The following RIN3 variants were observed in gnomAD, a reference collection of about 807,000 sequenced individuals.
RIN3 encodes RAB5 interacting protein 3.
In RIN3, 54 loss-of-function variants were observed where a neutral mutation model predicts 76.3. That is an observed-to-expected ratio of 0.71 (90% CI 0.57 to 0.89). The LOEUF (loss-of-function observed/expected upper bound fraction) is 0.89. RIN3 is among the 40% of genes least tolerant of loss of function. The pLI, the probability that RIN3 is intolerant of heterozygous loss-of-function variation, is 0.00. For missense variants in RIN3, 1,256 were observed against 1,322.1 expected, an observed-to-expected ratio of 0.95 and a Z score of 0.78; for synonymous variants, 576 against 564.0, an observed-to-expected ratio of 1.02 and a Z score of -0.30.
chr14:92,533,722 G>C (rs892901933), intron 1 of RIN3, among the ~76,000 whole-genome samples: 1 of 152,136 alleles, frequency 6.6e-6, no homozygotes, highest in South Asian at 2.1e-4. Flanking sequence ...TAGGGGAAAG[G>C]GTGGGAGGGG....
At chr14:92,683,090 C>G (rs1411055363) in intron 8 of RIN3, among the ~76,000 whole-genome samples, 3 of 152,092 alleles carry the variant, frequency 2.0e-5, no homozygotes, top group Non-Finnish European at 2.9e-5. Flanking sequence ...TAGCTTGAAC[C>G]TGGGAGGCGG....
At chr14:92,667,878 G>C (rs969341590) in intron 7 of RIN3, among the ~76,000 whole-genome samples, 1 of 145,782 alleles carries the variant, frequency 6.9e-6, no homozygotes, top group Non-Finnish European at 1.5e-5. Context: ...GAATGGGGGG[G>C]CATCTGAAAG....
chr14:92,560,879 G>A (rs1897742202), intron 2 of RIN3, among the ~76,000 whole-genome samples: 1 of 150,402 alleles, frequency 6.6e-6, no homozygotes, highest in African/African-American at 2.4e-5. Context: ...AATTAGCCAG[G>A]CTTGGTGGTG....
At chr14:92,683,051 C>T (rs535188190) in intron 8 of RIN3, among the ~76,000 whole-genome samples, 2 of 152,160 alleles carry the variant, frequency 1.3e-5, no homozygotes, top group Non-Finnish European at 2.9e-5. Flanking sequence ...CCTATAATCC[C>T]AGCTACTCAG....
intron 2 of RIN3, among the ~76,000 whole-genome samples, chr14:92,560,847 C>A (rs953540605): frequency 1.3e-5 from 2 of 150,608 alleles, no homozygotes; most frequent in African/African-American, 4.9e-5. Flanking sequence ...GATGAAACCA[C>A]GTCTCTACTA....
intron 1 of RIN3, among the ~76,000 whole-genome samples, chr14:92,538,803 T>A (rs1359311927): frequency 1.3e-5 from 2 of 152,154 alleles, no homozygotes; most frequent in Non-Finnish European, 2.9e-5. Flanking sequence ...GTAGGCGATA[T>A]AGTCACACGG....
chr14:92,676,602 G>A lies in RIN3; in HGVS notation c.2463G>A (p.Gly821=). 6.2e-7 allele frequency: 1 copy of A among 1,613,216 alleles called. No homozygotes were observed. Among genetic ancestry groups the A allele is most frequent in the Non-Finnish European group, 8.5e-7 (1 of 1,179,660 alleles). ...TCATGGACCCCGCCCTGCAGCTGGG[G>A]GAGGGTGAGTCACCACCCCCTGCCC... ...MELMDPALQL[G]EGSYYLTTTY... The change falls in exon 8 of 10, where the codon GGG becomes GGA. Residue 821 remains glycine, a synonymous_variant. Coordinates refer to ENST00000216487, the MANE Select transcript of RIN3 (RefSeq NM_024832.5).
intron 3 of RIN3, among the ~76,000 whole-genome samples, chr14:92,605,934 T>C (rs143280973): frequency 6.6e-6 from 1 of 152,286 alleles, no homozygotes; most frequent in Non-Finnish European, 1.5e-5. Flanking sequence ...GTAACACCCA[T>C]TATGTGCCTA....
At chr14:92,525,815 G>A (rs1474629599) in intron 1 of RIN3, among the ~76,000 whole-genome samples, 1 of 152,216 alleles carries the variant, frequency 6.6e-6, no homozygotes. Context: ...TTGTCCCAGG[G>A]ACCCTCAGTC....
At chr14:92,595,808 C>T (rs1250083151) in intron 3 of RIN3, among the ~76,000 whole-genome samples, 1 of 152,212 alleles carries the variant, frequency 6.6e-6, no homozygotes, top group East Asian at 1.9e-4. Flanking sequence ...CCCCAGATGT[C>T]CCAAGCACCT....
In RIN3 at chr14:92,568,912, C is replaced by T. The variant is rs768716436; in HGVS notation, c.250-8448C>T. Reference sequence around the variant, plus strand: ...CTGTGTAGATAACACAGCCCAACAGCGAGAGGGGAGCGAGATGCTTCACCA... The same window carrying T: ...CTGTGTAGATAACACAGCCCAACAGTGAGAGGGGAGCGAGATGCTTCACCA... On this transcript the variant is annotated intron_variant, in intron 2 of 9. Transcript: ENST00000216487. This position sits in a 1 kb window ranked among gnomAD's most constrained non-coding sequence, Gnocchi z 4.2. Among the ~76,000 whole-genome samples, 1 of 152,096 alleles carries T rather than the reference C, an allele frequency of 6.6e-6. No homozygotes were observed. The highest frequency in any genetic ancestry group is 1.5e-5 in the Non-Finnish European group (1 of 67,998).
At chr14:92,658,454 A>C (rs1398483870) in intron 6 of RIN3, among the ~76,000 whole-genome samples, 1 of 152,244 alleles carries the variant, frequency 6.6e-6, no homozygotes, top group Non-Finnish European at 1.5e-5. Flanking sequence ...CTCTTAGGCC[A>C]TGAGGAGTCT....
At chr14:92,545,106 G>GTTTTTTTT (rs540126016) in intron 1 of RIN3, among the ~76,000 whole-genome samples, 2 of 82,160 alleles carry the variant, frequency 2.4e-5, no homozygotes, top group African/African-American at 5.0e-5. Context: ...ACTTTCTGGT[G>GTTTTTTTT]TTTTTTTTTT....
In RIN3 at chr14:92,652,887, G is replaced by T; in HGVS notation, c.1838G>T (p.Gly613Val). ...GTGGTGGAGCTGGCGCAGGACAAGG[G>T]CTCGTACTTTGGCAGCCTGGTGCAG... is the stretch of plus-strand genomic sequence containing the variant. The part of the protein sequence containing the change: ...KKVVELAQDK[G>V]SYFGSLVQDY... Residue 613 changes from glycine to valine, a missense_variant, in exon 6 of 10, where the codon GGC becomes GTC. Physicochemically the swap from Gly to Val is moderately radical, Grantham distance 109. Around this residue, in one of 3 missense-constraint regions of RIN3, gnomAD observed 428 missense variants for 521.2 expected, o/e 0.82. Transcript: ENST00000216487. This position sits in a 1 kb window ranked among gnomAD's most constrained non-coding sequence, Gnocchi z 6.4. The T allele has an allele frequency of 6.2e-7, 1 of 1,614,036 alleles. No individual in the cohort carries two copies. The highest frequency in any genetic ancestry group is 8.5e-7 in the Non-Finnish European group (1 of 1,180,030).
chr14:92,570,964 G>GTA (rs1898048824), intron 2 of RIN3, among the ~76,000 whole-genome samples: 12 of 152,216 alleles, frequency 7.9e-5, no homozygotes, highest in Non-Finnish European at 1.3e-4. Context: ...TTACATATTT[G>GTA]AAGTTCTGTC....
chr14:92,549,765 G>A (rs1019036948), intron 1 of RIN3, among the ~76,000 whole-genome samples: 21 of 152,226 alleles, frequency 1.4e-4, no homozygotes, highest in Non-Finnish European at 2.8e-4. Context: ...TGGGTGTCCG[G>A]CGGCAGCCAT....
chr14:92,548,957 T>C (rs1346921105), intron 1 of RIN3, among the ~76,000 whole-genome samples: 4 of 152,076 alleles, frequency 2.6e-5, no homozygotes, highest in African/African-American at 4.8e-5. Flanking sequence ...GTGTGGACTA[T>C]GAATACATGA....
At chr14:92,633,315 A>G (rs1419053114) in intron 4 of RIN3, among the ~76,000 whole-genome samples, 1 of 152,200 alleles carries the variant, frequency 6.6e-6, no homozygotes, top group Non-Finnish European at 1.5e-5. Flanking sequence ...CACTGCAGTC[A>G]TTAGCCTCAA....
At chr14:92,532,052 C>T (rs974891307) in intron 1 of RIN3, among the ~76,000 whole-genome samples, 2 of 152,024 alleles carry the variant, frequency 1.3e-5, no homozygotes, top group African/African-American at 4.8e-5. Flanking sequence ...CCTCGGCCTC[C>T]TGAGTAGCTG....
Sources: gnomAD v4.1 joint callset for allele counts (sites outside exome capture counted in the v4.1 genomes callset) on GRCh38, gnomAD v4.1.1 for gene constraint, gnomAD v4.1.1 regional missense constraint, Gnocchi (gnomAD v3.1) non-coding constraint, MANE v1.5 for transcripts, NCBI Gene and HGNC (gene_info 2026-07-23, HGNC 2026-07-21) for gene names.